HTR3B: variants seen among roughly 807,000 people sequenced by gnomAD.
The protein encoded by HTR3B is 5-hydroxytryptamine receptor 3B, also known as 5-hydroxytryptamine (serotonin) receptor 3B, ionotropic.
HTR3B carries 44 observed loss-of-function variants against 42.8 expected under a neutral mutation model. The observed-to-expected ratio is 1.03, with a 90% confidence interval of 0.81 to 1.32. The LOEUF is 1.32. Ranked by LOEUF, HTR3B falls within the 40% of genes most tolerant of loss-of-function variation. The pLI is 0.00. For missense variants in HTR3B, 527 were observed against 536.5 expected (o/e 0.98, Z 0.17); for synonymous variants, 203 against 209.0 (o/e 0.97, Z 0.25).
At chr11:113,905,419 T>C (rs752364991) in intron 1 of HTR3B, among the ~76,000 whole-genome samples, 1 of 152,174 alleles carries the variant, frequency 6.6e-6, no homozygotes, top group Non-Finnish European at 1.5e-5. Context: ...GTCCACTAGA[T>C]TTGTCATGGC....
chr11:113,925,875 AT>A (rs1455599458), intron 2 of HTR3B, among the ~76,000 whole-genome samples: 26 of 152,176 alleles, frequency 1.7e-4, no homozygotes, highest in African/African-American at 6.0e-4. Flanking sequence ...TTTTTTTGAG[AT>A]TTAATTCAAC....
At chr11:113,927,006 AATG>A in intron 2 of HTR3B, among the ~76,000 whole-genome samples, 1 of 152,324 alleles carries the variant, frequency 6.6e-6, no homozygotes, top group African/African-American at 2.4e-5. Flanking sequence ...CCTGGTGACT[AATG>A]ATGGTGAGCG....
At chr11:113,901,941 T>C (rs1366249253), upstream of HTR3B, among the ~76,000 whole-genome samples, 2 of 152,218 alleles carry the variant, frequency 1.3e-5, no homozygotes, top group African/African-American at 4.8e-5. Flanking sequence ...CTATATTGCC[T>C]GTAGCTTGCC....
intron 2 of HTR3B, among the ~76,000 whole-genome samples, chr11:113,912,372 C>T (rs534265048): frequency 2.6e-5 from 4 of 152,142 alleles, no homozygotes; most frequent in African/African-American, 7.2e-5. Flanking sequence ...GCCTCCGGAA[C>T]AGCTGGGACT....
rs759645732 is a variant in HTR3B at position 113,946,131 on chromosome 11, C to T, written c.1320C>T (p.Gly440=). The change falls in exon 9 of 9, where the codon GGC becomes GGT. Residue 440 remains glycine, a synonymous_variant. Coordinates refer to ENST00000260191, the MANE Select transcript of HTR3B (RefSeq NM_006028.5). The part of the protein sequence containing the change: ...TLCSLWALWG[G]V Reference sequence around the variant, plus strand: ...GCTCCCTCTGGGCACTGTGGGGCGGCGTGTGAAGACTGAAGTGTTCTTCAG... The same window carrying T: ...GCTCCCTCTGGGCACTGTGGGGCGGTGTGTGAAGACTGAAGTGTTCTTCAG... 1.4e-5 allele frequency: 23 copies of T among 1,607,512 alleles called. No homozygotes were observed. Among genetic ancestry groups the T allele is most frequent in the South Asian group, 4.4e-5 (4 of 90,926 alleles).
At chr11:113,899,972 G>T (rs1949686676), upstream of HTR3B, among the ~76,000 whole-genome samples, 1 of 152,164 alleles carries the variant, frequency 6.6e-6, no homozygotes, top group African/African-American at 2.4e-5. Context: ...TGCCACTTAA[G>T]AAGTCCAAAC....
chr11:113,944,426 A>C, intron 7 of HTR3B, 147 bp from the exon 8 acceptor site: 1 of 682,896 alleles, frequency 1.5e-6, no homozygotes, highest in Non-Finnish European at 2.5e-6. Flanking sequence ...ACTTCAGCCC[A>C]ATACGTTAAG....
intron 6 of HTR3B, among the ~76,000 whole-genome samples, chr11:113,936,706 C>T (rs1389967220): frequency 6.6e-6 from 1 of 152,322 alleles, no homozygotes; most frequent in Middle Eastern, 3.4e-3. Context: ...ATGGCAGCAA[C>T]TTTCCTGTTC....
intron 2 of HTR3B, among the ~76,000 whole-genome samples, chr11:113,919,243 C>G (rs1949888425): frequency 6.6e-6 from 1 of 152,126 alleles, no homozygotes; most frequent in Non-Finnish European, 1.5e-5. Flanking sequence ...TTTGACACTT[C>G]ACATAAAATG....
intron 1 of HTR3B, among the ~76,000 whole-genome samples, chr11:113,908,484 C>T (rs1333647807): frequency 6.6e-6 from 1 of 152,156 alleles, no homozygotes; most frequent in Non-Finnish European, 1.5e-5. Context: ...GCATTGAATC[C>T]CCTAAGGGCT....
In HTR3B at chr11:113,905,003, T is replaced by C. The variant is rs757374583; in HGVS notation, c.52+18T>C. The C allele has an allele frequency of 3.1e-5, 48 of 1,571,676 alleles. No homozygotes were observed. The Admixed American group carries it at 7.8e-4, about 26-fold the overall frequency. On this transcript the variant is annotated intron_variant, in intron 1 of 8. Transcript: ENST00000260191. ...GGCTGCAGGTGAGTCCTTTTAATAA[T>C]TTTACTAGGCATTAAGGATTAACTC...
intron 2 of HTR3B, among the ~76,000 whole-genome samples, chr11:113,915,084 T>C (rs1294615406): frequency 1.3e-5 from 2 of 152,222 alleles, no homozygotes; most frequent in Non-Finnish European, 2.9e-5. Flanking sequence ...GGCTTTTGTG[T>C]CTCATATTGG....
chr11:113,944,488 A>C, intron 7 of HTR3B, 85 bp from the exon 8 acceptor site: 2 of 1,326,956 alleles, frequency 1.5e-6, no homozygotes, highest in Non-Finnish European at 2.1e-6. Flanking sequence ...GCAATAGAGC[A>C]AGACCCTGTC....
At chr11:113,930,511 CAG>C (rs146744241) in intron 2 of HTR3B, among the ~76,000 whole-genome samples, 12,035 of 119,744 alleles carry the variant, frequency 0.1, 665 homozygotes, top group Middle Eastern at 0.24. Context: ...TTTTTTGAGA[CAG>C]AGTCTCTCTC....
intron 2 of HTR3B, among the ~76,000 whole-genome samples, chr11:113,921,097 G>A (rs965427080): frequency 6.6e-6 from 1 of 151,344 alleles, no homozygotes; most frequent in African/African-American, 2.4e-5. Flanking sequence ...ACAGGCATAA[G>A]CCATCCCGTC....
Position 113,909,410 on chromosome 11 carries a change from C to T in HTR3B, c.168C>T (p.Ala56=), listed in dbSNP as rs1488919388. ...EVRPVYNWTK[A]TTVYLDLFVH... ...GACCTGTTTACAACTGGACCAAGGCCACCACAGTCTACCTGGACCTGTTCG... is the reference window on the plus strand; with the variant it reads ...GACCTGTTTACAACTGGACCAAGGCTACCACAGTCTACCTGGACCTGTTCG... The change falls in exon 2 of 9, where the codon GCC becomes GCT. Residue 56 remains alanine (A), a synonymous_variant. Coordinates refer to ENST00000260191, the MANE Select transcript of HTR3B (RefSeq NM_006028.5). 2 of 1,614,086 alleles carry T rather than the reference C, an allele frequency of 1.2e-6. No homozygotes were observed. Among genetic ancestry groups the T allele is most frequent in the Non-Finnish European group, 1.7e-6 (2 of 1,179,958 alleles).
At chr11:113,943,278 C>T (rs1041095381) in intron 7 of HTR3B, 86 bp downstream of exon 7, 24 of 1,156,462 alleles carry the variant, frequency 2.1e-5, no homozygotes, top group Admixed American at 5.9e-5. Flanking sequence ...GGCTCATGCC[C>T]GTAATATCAG....
intron 2 of HTR3B, among the ~76,000 whole-genome samples, chr11:113,930,826 T>A (rs1459706419): frequency 6.6e-6 from 1 of 152,154 alleles, no homozygotes; most frequent in Non-Finnish European, 1.5e-5. Context: ...GGGGGTCTTT[T>A]AAAAATTTTA....
chr11:113,900,528 C>G (rs1949690368), upstream of HTR3B, among the ~76,000 whole-genome samples: 1 of 152,082 alleles, frequency 6.6e-6, no homozygotes, highest in African/African-American at 2.4e-5. Flanking sequence ...GAGTTTTGCT[C>G]TTGTTCCCAG....
Sources: allele counts gnomAD v4.1 joint callset (sites outside exome capture counted in the v4.1 genomes callset), GRCh38; gene constraint gnomAD v4.1.1; transcripts MANE v1.5; gene names NCBI Gene and HGNC (gene_info 2026-07-23, HGNC 2026-07-21).